The following WDR72 variants were observed in gnomAD, a reference collection of about 807,000 sequenced individuals.
The protein encoded by WDR72 is WD repeat domain 72, also known as WD repeat-containing protein 72.
In WDR72, 120 loss-of-function variants were observed where a neutral mutation model predicts 124.2. That is an observed-to-expected ratio of 0.97 (90% CI 0.83 to 1.12). The LOEUF is 1.12. Among genes scored for constraint, WDR72 ranks in the 50% most tolerant of loss-of-function variants. The pLI, the probability that WDR72 is intolerant of heterozygous loss-of-function variation, is 0.00. For synonymous variants in WDR72, 452 were observed against 441.7 expected, an observed-to-expected ratio of 1.02 and a Z score of -0.29; for missense variants, 1,387 against 1,278.8, an observed-to-expected ratio of 1.08 and a Z score of -1.29.
intron 13 of WDR72, among the ~76,000 whole-genome samples, chr15:53,678,775 T>C (rs73410160): frequency 0.012 from 1,860 of 152,336 alleles, 35 homozygotes; most frequent in African/African-American, 0.043. Context: ...GTATAGATCA[T>C]GGTCTAAAGC....
intron 18 of WDR72, among the ~76,000 whole-genome samples, chr15:53,534,093 G>A (rs1892624264): frequency 6.6e-6 from 1 of 152,130 alleles, no homozygotes; most frequent in Non-Finnish European, 1.5e-5. Context: ...AGAAGACTGA[G>A]CTAGAAAAAT....
intron 14 of WDR72, among the ~76,000 whole-genome samples, chr15:53,644,993 T>C (rs2014991610): frequency 6.6e-6 from 1 of 152,162 alleles, no homozygotes; most frequent in Non-Finnish European, 1.5e-5. Flanking sequence ...TAAAACAACT[T>C]AGTGCGTGAA....
At chr15:53,602,044 T>C (rs1237545462) in intron 17 of WDR72, among the ~76,000 whole-genome samples, 1 of 152,104 alleles carries the variant, frequency 6.6e-6, no homozygotes, top group East Asian at 1.9e-4. Context: ...TACATTTCTC[T>C]CATCACCACA....
chr15:53,604,588 G>A (rs939515509), intron 17 of WDR72, among the ~76,000 whole-genome samples: 42 of 150,730 alleles, frequency 2.8e-4, no homozygotes, highest in Admixed American at 2.7e-3. Flanking sequence ...TGCATCTTAC[G>A]AAAGTCTAAC....
intron 18 of WDR72, among the ~76,000 whole-genome samples, chr15:53,576,487 T>C (rs1368550508): frequency 1.3e-5 from 2 of 152,190 alleles, no homozygotes; most frequent in Non-Finnish European, 1.5e-5. Context: ...ACACATCTTA[T>C]TGTACTCCTT....
chr15:53,761,101 G>A (rs1388244464), upstream of WDR72, among the ~76,000 whole-genome samples: 1 of 152,112 alleles, frequency 6.6e-6, no homozygotes, highest in Non-Finnish European at 1.5e-5. Context: ...TCCAACCTGG[G>A]TGTCAGAGTG....
At chr15:53,740,638 A>T (rs2018485865) in intron 1 of WDR72, among the ~76,000 whole-genome samples, 1 of 152,230 alleles carries the variant, frequency 6.6e-6, no homozygotes, top group Non-Finnish European at 1.5e-5. Context: ...AAATATGGGA[A>T]TCATTTCTTA....
intron 18 of WDR72, among the ~76,000 whole-genome samples, chr15:53,574,697 G>A (rs1289541957): frequency 6.6e-6 from 1 of 151,866 alleles, no homozygotes; most frequent in Non-Finnish European, 1.5e-5. Context: ...TATTTCTAAT[G>A]CAAAGGAAAT....
intron 13 of WDR72, among the ~76,000 whole-genome samples, chr15:53,683,254 G>T (rs115661868): frequency 2.2e-4 from 34 of 152,166 alleles, no homozygotes; most frequent in African/African-American, 8.2e-4. Flanking sequence ...CTTAGAAGGC[G>T]TAAGTTCTGA....
chr15:53,724,742 G>A (rs1004260411), intron 2 of WDR72, among the ~76,000 whole-genome samples: 5 of 152,148 alleles, frequency 3.3e-5, no homozygotes, highest in African/African-American at 4.8e-5. Context: ...CATATCATTT[G>A]CGGTAATCAT....
chr15:53,669,606 T>C (rs891682236), intron 13 of WDR72, among the ~76,000 whole-genome samples: 3 of 152,212 alleles, frequency 2.0e-5, no homozygotes, highest in Non-Finnish European at 4.4e-5. Context: ...TAATACACTA[T>C]GACAAATCAC....
chr15:53,530,949 T>G (rs1235308578), intron 18 of WDR72, among the ~76,000 whole-genome samples: 1 of 152,042 alleles, frequency 6.6e-6, no homozygotes, highest in Admixed American at 6.6e-5. Flanking sequence ...GCAGGCAGTC[T>G]CAAATTCCCA....
chr15:53,616,603 G>A (rs983474123), intron 14 of WDR72, among the ~76,000 whole-genome samples: 1 of 151,844 alleles, frequency 6.6e-6, no homozygotes, highest in African/African-American at 2.4e-5. Flanking sequence ...AAACTGAGGA[G>A]AACAAATGTA....
chr15:53,587,336 T>C (rs758581157), intron 18 of WDR72, among the ~76,000 whole-genome samples: 2 of 152,004 alleles, frequency 1.3e-5, no homozygotes, highest in African/African-American at 4.8e-5. Flanking sequence ...TTTGCTACTA[T>C]TGTCCAGTGT....
chr15:53,560,969 T>A (rs878994826), intron 18 of WDR72, among the ~76,000 whole-genome samples: 1 of 151,848 alleles, frequency 6.6e-6, no homozygotes, highest in Admixed American at 6.6e-5. Flanking sequence ...CTTATCTAAT[T>A]CCCAGACTTC....
intron 18 of WDR72, among the ~76,000 whole-genome samples, chr15:53,552,739 T>A (rs1260943807): frequency 6.6e-6 from 1 of 152,140 alleles, no homozygotes; most frequent in African/African-American, 2.4e-5. Flanking sequence ...CTTCCAAACA[T>A]CCTCTGACTT....
chr15:53,732,878 C>G (rs1055779304), intron 2 of WDR72, 119 bp downstream of exon 2: 3 of 1,224,492 alleles, frequency 2.4e-6, no homozygotes, highest in Non-Finnish European at 3.6e-6. Flanking sequence ...CAATTTATTA[C>G]TTTAATAAAC....
chr15:53,705,490 T>C (rs547977883), intron 10 of WDR72, among the ~76,000 whole-genome samples: 1 of 152,144 alleles, frequency 6.6e-6, no homozygotes, highest in South Asian at 2.1e-4. Flanking sequence ...TGAGACCAAG[T>C]CTCACTGTGT....
At chr15:53,644,221 A>G (rs10518731) in intron 14 of WDR72, among the ~76,000 whole-genome samples, 1 of 151,854 alleles carries the variant, frequency 6.6e-6, no homozygotes, top group African/African-American at 2.4e-5. Context: ...ATACGACCGG[A>G]AATGTGAAAT....
Sources: allele counts gnomAD v4.1 joint callset (sites outside exome capture counted in the v4.1 genomes callset), GRCh38; gene constraint gnomAD v4.1.1; transcripts MANE v1.5; gene names NCBI Gene and HGNC (gene_info 2026-07-23, HGNC 2026-07-21).